The following SMYD3 variants were observed in gnomAD, a reference collection of about 807,000 sequenced individuals.
SMYD3 encodes histone-lysine N-methyltransferase SMYD3.
A neutral mutation model predicts 57.7 loss-of-function variants in SMYD3; 36 were observed. That is an observed-to-expected ratio of 0.62 (90% CI 0.48 to 0.82). The LOEUF is 0.82. SMYD3 is among the 40% of genes least tolerant of loss of function. SMYD3 has a pLI of 0.00. For missense variants in SMYD3, 515 were observed against 538.8 expected, an observed-to-expected ratio of 0.96 and a Z score of 0.44; for synonymous variants, 211 against 195.0, an observed-to-expected ratio of 1.08 and a Z score of -0.68.
At position 246,169,381 on chromosome 1, in the gene SMYD3, C is replaced by CAAAAAAAA. The variant is rs55719556; in HGVS notation, c.531+157812_531+157819dup. On this transcript the variant is annotated intron_variant, in intron 5 of 11. Coordinates refer to ENST00000490107, the MANE Select transcript of SMYD3 (RefSeq NM_001167740.2). The stretch of plus-strand genomic sequence containing the variant: ...AGTTACAGGGCAAAAGACTTTCTTT[C>CAAAAAAAA]AAAAAAAAAAAAAAAAAAAAAAACC... 4.4e-4 allele frequency among the ~76,000 whole-genome samples: 27 copies of CAAAAAAAA among 61,884 alleles called. 2 individuals carry two copies. Among genetic ancestry groups the CAAAAAAAA allele is most frequent in the Non-Finnish European group, 6.5e-4 (23 of 35,196 alleles). The allele number at this position is 61,884 out of a possible 152,430, so 40.6% of individuals were successfully genotyped here.
intron 5 of SMYD3, among the ~76,000 whole-genome samples, chr1:246,182,248 C>G (rs2062565116): frequency 1.3e-5 from 2 of 152,122 alleles, no homozygotes; most frequent in African/African-American, 4.8e-5. Context: ...CAGTTCCCCA[C>G]TGAAAACCCC....
intron 5 of SMYD3, among the ~76,000 whole-genome samples, chr1:246,128,771 G>A (rs1350625457): frequency 1.3e-5 from 2 of 151,952 alleles, no homozygotes; most frequent in Non-Finnish European, 2.9e-5. Flanking sequence ...CAGCTCCATT[G>A]TGCGTGTGTG....
intron 1 of SMYD3, 60 bp downstream of exon 1, chr1:246,506,994 C>CCCCCCCCCCCCCCCCCA: frequency 1.1e-6 from 1 of 894,066 alleles, no homozygotes. Context: ...CCGACGCCCC[C>CCCCCCCCCCCCCCCCCA]CCCTCCCCAG....
intron 5 of SMYD3, among the ~76,000 whole-genome samples, chr1:246,271,247 G>A (rs1307205315): frequency 1.3e-5 from 2 of 152,028 alleles, no homozygotes; most frequent in Non-Finnish European, 2.9e-5. Context: ...CATACTCTGG[G>A]TTACCTTTTA....
At chr1:246,190,229 A>C (rs751247700) in intron 5 of SMYD3, among the ~76,000 whole-genome samples, 1 of 152,170 alleles carries the variant, frequency 6.6e-6, no homozygotes, top group Non-Finnish European at 1.5e-5. Flanking sequence ...ATTAAGTAAA[A>C]TGGTGCGTAT....
At chr1:246,259,942 C>T (rs1027141486) in intron 5 of SMYD3, among the ~76,000 whole-genome samples, 1 of 152,212 alleles carries the variant, frequency 6.6e-6, no homozygotes, top group Non-Finnish European at 1.5e-5. Context: ...ACTCCAAATC[C>T]AGAAGAGCTC....
At chr1:245,956,131 T>C in intron 5 of SMYD3, 1 of 911,502 alleles carries the variant, frequency 1.1e-6, no homozygotes, top group Non-Finnish European at 1.3e-6. Flanking sequence ...TTGCCCAGGC[T>C]GGTCTCAAAC....
intron 5 of SMYD3, among the ~76,000 whole-genome samples, chr1:245,949,903 C>T (rs1037516825): frequency 2.2e-5 from 3 of 138,258 alleles, no homozygotes; most frequent in Non-Finnish European, 4.5e-5. Context: ...CCACTATAGA[C>T]CTATCTTCAG....
At chr1:245,917,574 GC>G (rs879880165) in intron 7 of SMYD3, among the ~76,000 whole-genome samples, 6 of 151,984 alleles carry the variant, frequency 3.9e-5, no homozygotes, top group Non-Finnish European at 8.8e-5. Context: ...CTGCCCTTCT[GC>G]CCCGTTTACT....
At position 245,880,998 on chromosome 1, in the gene SMYD3, T is replaced by C. The variant is rs563352185; in HGVS notation, c.814-17112A>G. 5.2e-3 allele frequency among the ~76,000 whole-genome samples: 484 copies of C among 92,320 alleles called. 3 individuals carry two copies. The highest frequency in any genetic ancestry group is 0.014 in the Middle Eastern group (2 of 144). 60.6% of individuals were successfully genotyped at this position (92,320 alleles called of 152,430 possible). A position where few individuals can be genotyped will look rare whatever the true frequency, so the allele number is the denominator to read the frequency against. Reference sequence around the variant, plus strand: ...AGGGCACACACTGTCCAGGAGATACTTGCCCTGGGTAGGCGGGCCTCTAAG... The same window carrying C: ...AGGGCACACACTGTCCAGGAGATACCTGCCCTGGGTAGGCGGGCCTCTAAG... On this transcript the variant is annotated intron_variant, in intron 8 of 11. Coordinates refer to ENST00000490107, the MANE Select transcript of SMYD3 (RefSeq NM_001167740.2).
chr1:246,041,817 G>C (rs1444841649), intron 5 of SMYD3, among the ~76,000 whole-genome samples: 2 of 147,924 alleles, frequency 1.4e-5, no homozygotes, highest in African/African-American at 5.1e-5. Flanking sequence ...ATCTTTATTG[G>C]GAAAAAAAAA....
intron 5 of SMYD3, among the ~76,000 whole-genome samples, chr1:246,043,226 T>A (rs1247576844): frequency 2.0e-5 from 3 of 152,256 alleles, no homozygotes; most frequent in Non-Finnish European, 4.4e-5. Context: ...GAATTTATGA[T>A]ATTCACACAA....
chr1:246,332,718 C>A (rs2065480542), intron 3 of SMYD3, among the ~76,000 whole-genome samples: 1 of 152,134 alleles, frequency 6.6e-6, no homozygotes, highest in Non-Finnish European at 1.5e-5. Flanking sequence ...TGAGGCAGGA[C>A]AATCGCTTGA....
chr1:245,876,606 T>C (rs952125583), intron 8 of SMYD3, among the ~76,000 whole-genome samples: 6 of 152,218 alleles, frequency 3.9e-5, no homozygotes, highest in African/African-American at 9.6e-5. Context: ...TTATTTACAA[T>C]AGACACAAAA....
intron 8 of SMYD3, among the ~76,000 whole-genome samples, chr1:245,888,837 T>A (rs2053226284): frequency 6.6e-6 from 1 of 152,194 alleles, no homozygotes; most frequent in Non-Finnish European, 1.5e-5. Context: ...ACATCAACCA[T>A]GTCTACCTGA....
intron 1 of SMYD3, among the ~76,000 whole-genome samples, chr1:246,378,670 T>TAC (rs1558433494): frequency 2.4e-5 from 3 of 122,940 alleles, no homozygotes; most frequent in African/African-American, 9.8e-5. Flanking sequence ...CACACATATA[T>TAC]ATATACACAT....
At chr1:246,374,776 C>A (rs764450709) in intron 1 of SMYD3, among the ~76,000 whole-genome samples, 18 of 152,008 alleles carry the variant, frequency 1.2e-4, no homozygotes, top group Non-Finnish European at 2.2e-4. Context: ...AGTTCAAGAC[C>A]AGCCTGGCCA....
intron 8 of SMYD3, among the ~76,000 whole-genome samples, chr1:245,878,109 C>A (rs1360658562): frequency 2.0e-5 from 3 of 152,060 alleles, no homozygotes; most frequent in Non-Finnish European, 4.4e-5. Flanking sequence ...AAATCAGGGG[C>A]TCACCGATGA....
chr1:246,034,826 T>C lies in SMYD3; in HGVS notation c.532-104889A>G, dbSNP rs538396228. ...CCTTAGTACTTTGCCGACGCTGCAA[T>C]GTAATCCCACCTTTCCCAGAGTTCT... On this transcript the variant is annotated intron_variant, in intron 5 of 11. Coordinates refer to ENST00000490107, the MANE Select transcript of SMYD3 (RefSeq NM_001167740.2). Among the ~76,000 whole-genome samples, 7 of 152,278 alleles carry C rather than the reference T, an allele frequency of 4.6e-5. No individual in the cohort carries two copies. In the South Asian group the frequency reaches 6.2e-4, roughly 14 times the overall value.
Sources: allele counts gnomAD v4.1 joint callset (sites outside exome capture counted in the v4.1 genomes callset), GRCh38; gene constraint gnomAD v4.1.1; transcripts MANE v1.5; gene names NCBI Gene and HGNC (gene_info 2026-07-23, HGNC 2026-07-21).